SH2B3: variants seen among roughly 807,000 people sequenced by gnomAD.
SH2B3 encodes SH2B adaptor protein 3.
Under a neutral mutation model 51.9 loss-of-function variants are expected in SH2B3, and 43 were observed. The observed-to-expected ratio is 0.83, with a 90% CI of 0.65 to 1.07. The LOEUF (loss-of-function observed/expected upper bound fraction) is 1.07, where lower values mean the gene tolerates loss of function less well. SH2B3 is among the 50% of genes least tolerant of loss of function. The probability of loss-of-function intolerance (pLI) is 0.00; values close to 1 mark genes in which losing one functional copy is unlikely to be tolerated. For missense variants in SH2B3, 952 were observed against 834.3 expected, an observed-to-expected ratio of 1.14 and a Z score of -1.74; for synonymous variants, 396 against 376.0, an observed-to-expected ratio of 1.05 and a Z score of -0.62.
At chr12:111,427,606 T>C (rs1228140530) in intron 2 of SH2B3, among the ~76,000 whole-genome samples, 1 of 151,574 alleles carries the variant, frequency 6.6e-6, no homozygotes, top group Non-Finnish European at 1.5e-5. Context: ...CCCGGGGAGG[T>C]GGGGCTCCCA....
rs1873101263 is a variant in SH2B3, at chr12:111,438,543, CAAAGGATGCTTAGCCAGCA to C, written c.733-8204_733-8186del. ...CCCCTATGCCCCCCGTTACCCAGCACAAAGGATGCTTAGCCAGCAAAAGGCTTATGATGAATGTTGAGCA... is the reference window on the plus strand; with the variant it reads ...CCCCTATGCCCCCCGTTACCCAGCACAAAGGCTTATGATGAATGTTGAGCA... On this transcript the variant is annotated intron_variant, in intron 2 of 7. Transcript: ENST00000341259. The surrounding 1 kb of genome is among the most constrained non-coding windows in gnomAD (Gnocchi z 4.2). 6.6e-6 allele frequency among the ~76,000 whole-genome samples: 1 copy of C among 152,202 alleles called. No homozygotes were observed. The highest frequency in any genetic ancestry group is 1.5e-5 in the Non-Finnish European group (1 of 68,034).
chr12:111,419,864 T>C (rs1871396137), intron 2 of SH2B3, among the ~76,000 whole-genome samples: 1 of 152,222 alleles, frequency 6.6e-6, no homozygotes, highest in African/African-American at 2.4e-5. Flanking sequence ...CCCCCCAGGA[T>C]ACCACATGAG....
chr12:111,416,258 G>A (rs1038802593), intron 1 of SH2B3, among the ~76,000 whole-genome samples: 39 of 151,924 alleles, frequency 2.6e-4, no homozygotes, highest in African/African-American at 9.2e-4. Flanking sequence ...TTATTTTTTA[G>A]ACACCAATAA....
chr12:111,442,441 G>A (rs754900331), intron 2 of SH2B3, among the ~76,000 whole-genome samples: 10 of 152,216 alleles, frequency 6.6e-5, no homozygotes, highest in Non-Finnish European at 1.3e-4. Flanking sequence ...GTGCTGGAGG[G>A]TCGACTGAGG....
At chr12:111,443,795 G>GA (rs1163398563) in intron 2 of SH2B3, 7 of 152,190 alleles carry the variant, frequency 4.6e-5, no homozygotes, top group Non-Finnish European at 1.0e-4. Context: ...CTCACCTTGT[G>GA]AAAAAATGAG....
At position 111,410,187 on chromosome 12, in the gene SH2B3, C is replaced by T. The variant is rs1870585518; in HGVS notation, c.-28+3910C>T. 6.6e-6 allele frequency among the ~76,000 whole-genome samples: 1 copy of T among 152,170 alleles called. No individual in the cohort carries two copies. Among genetic ancestry groups the T allele is most frequent in the South Asian group, 2.1e-4 (1 of 4,832 alleles). On this transcript the variant is annotated intron_variant, in intron 1 of 7. Transcript: ENST00000341259. This position sits in a 1 kb window ranked among gnomAD's most constrained non-coding sequence, Gnocchi z 4.9. ...CCAATGGGGGGCCCCAGCTGGGAGA[C>T]TGGGAATGTGATCAATCAGGGAGGT...
At chr12:111,440,723 C>T (rs1035456400) in intron 2 of SH2B3, among the ~76,000 whole-genome samples, 2 of 152,230 alleles carry the variant, frequency 1.3e-5, no homozygotes, top group Non-Finnish European at 1.5e-5. Context: ...CGCTACTGCT[C>T]CTTTCTCTGT....
chr12:111,422,748 G>T (rs1871658747), intron 2 of SH2B3, among the ~76,000 whole-genome samples: 1 of 151,876 alleles, frequency 6.6e-6, no homozygotes, highest in South Asian at 2.1e-4. Flanking sequence ...TTTTAGTAGA[G>T]ATGGGTTTTC....
chr12:111,437,744 C>A (rs1472025293), intron 2 of SH2B3, among the ~76,000 whole-genome samples: 2 of 152,122 alleles, frequency 1.3e-5, no homozygotes, highest in African/African-American at 4.8e-5. Context: ...CTTCAGTTTG[C>A]CCCCCAAGGA....
intron 2 of SH2B3, among the ~76,000 whole-genome samples, chr12:111,440,090 G>A (rs965589938): frequency 3.3e-5 from 5 of 152,200 alleles, no homozygotes; most frequent in Admixed American, 1.3e-4. Flanking sequence ...CAGCTCAGAC[G>A]CCGGTGGGTT....
At position 111,447,042 on chromosome 12, in the gene SH2B3, C is replaced by A; in HGVS notation, c.926+9C>A. 1 of 1,613,084 alleles carries A rather than the reference C, an allele frequency of 6.2e-7. No homozygotes were observed. The highest frequency in any genetic ancestry group is 8.5e-7 in the Non-Finnish European group (1 of 1,179,062). ...GAGTGCACAGGCCGAGGGTGAGGTC[C>A]TGGGCCCTCGTCCCTGGCACCACCT... On this transcript the variant is annotated intron_variant, in intron 4 of 7. Transcript: ENST00000341259.
chr12:111,433,111 G>C (rs759318557), intron 2 of SH2B3, among the ~76,000 whole-genome samples: 13 of 152,198 alleles, frequency 8.5e-5, no homozygotes, highest in Admixed American at 7.9e-4. Context: ...CAGCACTTTG[G>C]GGGGCTAAGG....
intron 2 of SH2B3, among the ~76,000 whole-genome samples, chr12:111,442,964 G>C (rs1873579538): frequency 6.6e-6 from 1 of 152,262 alleles, no homozygotes. Flanking sequence ...ATGAGGACCT[G>C]GCAGGGTGGG....
intron 1 of SH2B3, among the ~76,000 whole-genome samples, chr12:111,408,176 G>A (rs897672571): frequency 6.6e-6 from 1 of 152,132 alleles, no homozygotes; most frequent in Non-Finnish European, 1.5e-5. Context: ...GAAGATCTGG[G>A]CACTTCCTTA....
chr12:111,422,281 A>G (rs1037605511), intron 2 of SH2B3, among the ~76,000 whole-genome samples: 2 of 151,990 alleles, frequency 1.3e-5, no homozygotes, highest in Non-Finnish European at 2.9e-5. Flanking sequence ...GGGTTTCACC[A>G]TGTTAGCCAG....
rs1248199451 is a variant in SH2B3 at position 111,410,925 on chromosome 12, T to C, written c.-28+4648T>C. ...GGCATGGGGAAGATAGAAATGTTCC[T>C]TGTGGCCTAGATTCAACCAGGAGGC... On this transcript the variant is annotated intron_variant, in intron 1 of 7. Coordinates refer to ENST00000341259, the MANE Select transcript of SH2B3 (RefSeq NM_005475.3). The surrounding 1 kb of genome is among the most constrained non-coding windows in gnomAD (Gnocchi z 4.9). Among the ~76,000 whole-genome samples the C allele has an allele frequency of 6.6e-6, 1 of 152,198 alleles. No individual in the cohort carries two copies. Among genetic ancestry groups the C allele is most frequent in the Non-Finnish European group, 1.5e-5 (1 of 68,032 alleles).
chr12:111,445,727 C>T (rs1389057883), intron 2 of SH2B3, among the ~76,000 whole-genome samples: 1 of 152,242 alleles, frequency 6.6e-6, no homozygotes, highest in Non-Finnish European at 1.5e-5. Flanking sequence ...CCTCACTGTT[C>T]ATTGACTCTC....
upstream of SH2B3, among the ~76,000 whole-genome samples, chr12:111,405,555 C>A (rs542650199): frequency 1.4e-4 from 22 of 152,172 alleles, no homozygotes; most frequent in African/African-American, 5.3e-4. The surrounding 1 kb of genome is among the most constrained non-coding windows in gnomAD (Gnocchi z 5.4). Context: ...CGCCTCCAGG[C>A]GCTGAGGCAC....
At chr12:111,430,537 T>C (rs138816904) in intron 2 of SH2B3, among the ~76,000 whole-genome samples, 159 of 152,218 alleles carry the variant, frequency 1.0e-3, no homozygotes, top group African/African-American at 3.7e-3. Context: ...TTTTCGAGGC[T>C]GGTATTGAGA....
Sources: gnomAD v4.1 joint callset for allele counts (sites outside exome capture counted in the v4.1 genomes callset) on GRCh38, gnomAD v4.1.1 for gene constraint, Gnocchi (gnomAD v3.1) non-coding constraint, MANE v1.5 for transcripts, NCBI Gene and HGNC (gene_info 2026-07-23, HGNC 2026-07-21) for gene names.